Variants in ZSCAN30 observed in about 807,000 individuals in gnomAD.
ZSCAN30 encodes zinc finger and SCAN domain-containing protein 30.
A neutral mutation model predicts 44.3 loss-of-function variants in ZSCAN30; 37 were observed. That is an observed-to-expected ratio of 0.84 (90% CI 0.64 to 1.10). The LOEUF is 1.10. Among genes scored for constraint, ZSCAN30 ranks in the 50% least tolerant of loss-of-function variants. ZSCAN30 has a pLI of 0.00. For missense variants in ZSCAN30, 549 were observed against 582.6 expected (o/e 0.94, Z 0.59); for synonymous variants, 181 against 204.6 (o/e 0.88, Z 0.98).
At chr18:35,270,457 C>A (rs567968443) in intron 1 of ZSCAN30, among the ~76,000 whole-genome samples, 1 of 152,310 alleles carries the variant, frequency 6.6e-6, no homozygotes, top group South Asian at 2.1e-4. Flanking sequence ...ATTTTACCAC[C>A]TATTTTCCAA....
intron 1 of ZSCAN30, among the ~76,000 whole-genome samples, chr18:35,271,809 C>T (rs2044283456): frequency 1.3e-5 from 2 of 152,214 alleles, no homozygotes; most frequent in African/African-American, 2.4e-5. Context: ...CATGGGGAGG[C>T]GGCTAAGGCC....
intron 3 of ZSCAN30, chr18:35,262,506 A>G (rs1441542853): frequency 6.6e-6 from 1 of 152,206 alleles, no homozygotes; most frequent in East Asian, 1.9e-4. Flanking sequence ...AGCTTTATCA[A>G]TAGAGGGGGT....
intron 1 of ZSCAN30, among the ~76,000 whole-genome samples, chr18:35,276,020 G>A (rs750290894): frequency 7.9e-5 from 12 of 152,146 alleles, no homozygotes; most frequent in Non-Finnish European, 1.3e-4. Flanking sequence ...CCACTTGGTC[G>A]TAGTAGAAAA....
rs2043704969 is a variant in ZSCAN30 at position 35,254,181 on chromosome 18, A to G, written c.754T>C (p.Ser252Pro). Residue 252 changes from serine (S) to proline (P), a missense_variant, in exon 4 of 4, where the codon TCC becomes CCC. Physicochemically the swap from Ser to Pro is moderately conservative, Grantham distance 74. Coordinates refer to ENST00000333206, the MANE Select transcript of ZSCAN30 (RefSeq NM_001112734.4). ...AAGNKISQLPSQDRHFSLATF... is the reference protein window; with the variant it reads ...AAGNKISQLPPQDRHFSLATF... ...GCCAGACTGAAATGTCTGTCCTGGG[A>G]AGGAAGCTGACTGATTTTGTTCCCT... 3 of 1,614,030 alleles carry G rather than the reference A, an allele frequency of 1.9e-6. No individual in the cohort carries two copies. The African/African-American group carries it at 4.0e-5, about 22-fold the overall frequency.
At position 35,253,373 on chromosome 18, in the gene ZSCAN30, ACTTTT is replaced by A. The variant is rs1370148723; in HGVS notation, c.*72_*76del. On this transcript the variant is annotated 3_prime_UTR_variant, in exon 4 of 4. Transcript: ENST00000333206. ...AGGACAGAAGTTCTGCTCTCAGGAA[ACTTTT>A]CTTTTCTGTGGAGTCTCACCCCTAC... The A allele has an allele frequency of 1.8e-5, 23 of 1,277,338 alleles. No individual in the cohort carries two copies. The East Asian group carries it at 4.3e-4, about 24-fold the overall frequency. 79.1% of individuals were successfully genotyped at this position (1,277,338 alleles called of 1,614,324 possible).
Position 35,253,541 on chromosome 18 carries a change from C to G in ZSCAN30, c.1394G>C (p.Gly465Ala). Residue 465 changes from glycine to alanine, a missense_variant, in exon 4 of 4, where the codon GGA becomes GCA. Physicochemically the swap from Gly to Ala is moderately conservative, Grantham distance 60 (BLOSUM62 0). Transcript: ENST00000333206. ...ALTQHQRIHTGEKPYECSECR... is the reference protein window; with the variant it reads ...ALTQHQRIHTAEKPYECSECR... ...TTCACTACATTCATAAGGCTTCTCT[C>G]CAGTGTGAATTCTCTGGTGCTGGGT... is the stretch of plus-strand genomic sequence containing the variant. The G allele has an allele frequency of 6.2e-7, 1 of 1,613,946 alleles. No homozygotes were observed. Among genetic ancestry groups the G allele is most frequent in the Non-Finnish European group, 8.5e-7 (1 of 1,179,854 alleles).
intron 1 of ZSCAN30, among the ~76,000 whole-genome samples, chr18:35,280,554 T>C (rs546544824): frequency 2.4e-4 from 37 of 152,330 alleles, no homozygotes; most frequent in African/African-American, 8.2e-4. Context: ...TGGGGAATTA[T>C]AGTATTTCTT....
At chr18:35,255,883 T>C in intron 3 of ZSCAN30, 1 of 154,338 alleles carries the variant, frequency 6.5e-6, no homozygotes, top group Middle Eastern at 5.4e-4. Flanking sequence ...TTGCATACAA[T>C]AGAGGCATAA....
chr18:35,254,380 A>G lies in ZSCAN30; in HGVS notation c.555T>C (p.Asp185=), dbSNP rs1214197722. 2.5e-6 allele frequency: 4 copies of G among 1,613,910 alleles called. No homozygotes were observed. The highest frequency in any genetic ancestry group is 2.2e-5 in the East Asian group (1 of 44,890). The change falls in exon 4 of 4, where the codon GAT becomes GAC. Residue 185 remains aspartate (D), a splice_region_variant and synonymous_variant. Coordinates refer to ENST00000333206, the MANE Select transcript of ZSCAN30 (RefSeq NM_001112734.4). ...ACACTTTGCCAGCCACCATCCTGCCATCTAAAAATGTGAATAGAAAGTGTA... is the reference window on the plus strand; with the variant it reads ...ACACTTTGCCAGCCACCATCCTGCCGTCTAAAAATGTGAATAGAAAGTGTA... ...TQESQAFQER[D]GRMVAGKVLM...
intron 1 of ZSCAN30, among the ~76,000 whole-genome samples, chr18:35,278,062 C>A (rs894732658): frequency 1.3e-5 from 2 of 151,558 alleles, no homozygotes; most frequent in South Asian, 4.2e-4. Flanking sequence ...TTTCTAATTT[C>A]TCTTATGATT....
In ZSCAN30 at chr18:35,251,738, CA is replaced by C. The variant is rs1197341189; in HGVS notation, c.*1711del. The C allele has an allele frequency of 1.3e-5, 2 of 152,130 alleles. No homozygotes were observed. The highest frequency in any genetic ancestry group is 4.8e-5 in the African/African-American group (2 of 41,362). 9.4% of individuals were successfully genotyped at this position (152,130 alleles called of 1,614,324 possible). On this transcript the variant is annotated 3_prime_UTR_variant, in exon 4 of 4. Transcript: ENST00000333206. ...TGCTTGCTTCCCCTTCGCCTTCCAC[CA>C]TGATTTAAGTTTCCTGAGGCCTCCC...
intron 1 of ZSCAN30, among the ~76,000 whole-genome samples, chr18:35,265,618 A>T (rs1229302265): frequency 1.3e-5 from 2 of 152,242 alleles, no homozygotes; most frequent in African/African-American, 4.8e-5. Context: ...GGGCAAGGTG[A>T]ATGTAGAAAC....
intron 3 of ZSCAN30, chr18:35,263,265 A>G (rs1184109705): frequency 2.1e-6 from 1 of 474,554 alleles, no homozygotes; most frequent in South Asian, 3.8e-5. Context: ...AAGAAAAAAG[A>G]AAAAGAAAAA....
chr18:35,259,503 G>A (rs2043962297), intron 3 of ZSCAN30, among the ~76,000 whole-genome samples: 1 of 152,132 alleles, frequency 6.6e-6, no homozygotes, highest in African/African-American at 2.4e-5. Flanking sequence ...TTCTTGCTAG[G>A]TCCTCACAAG....
In ZSCAN30 at chr18:35,253,605, T is replaced by TA. The variant is rs758905631; in HGVS notation, c.1329dup (p.Asn444Ter). Reference sequence around the variant, plus strand: ...TGATTGAAGGATTTTCCACATTCATTACATTCATAAGGTTTCTCTCCAGTG... The same window carrying TA: ...TGATTGAAGGATTTTCCACATTCATTAACATTCATAAGGTTTCTCTCCAGTG... On this transcript the variant is annotated frameshift_variant, in exon 4 of 4. Coordinates refer to ENST00000333206, the MANE Select transcript of ZSCAN30 (RefSeq NM_001112734.4). LOFTEE classifies it high-confidence loss of function. 6.2e-7 allele frequency: 1 copy of TA among 1,613,948 alleles called. No homozygotes were observed. Among genetic ancestry groups the TA allele is most frequent in the Non-Finnish European group, 8.5e-7 (1 of 1,179,966 alleles).
chr18:35,258,257 T>C (rs1569065917), intron 3 of ZSCAN30: 4 of 427,906 alleles, frequency 9.3e-6, no homozygotes, highest in Non-Finnish European at 1.7e-5. Context: ...GGACCACGCA[T>C]AAATGGAGAA....
intron 1 of ZSCAN30, chr18:35,269,820 A>C (rs1056089792): frequency 2.0e-5 from 3 of 151,864 alleles, no homozygotes; most frequent in Admixed American, 2.0e-4. Context: ...TTTCTAATGA[A>C]GCACATAAAA....
At chr18:35,266,452 G>A (rs1378605465) in intron 1 of ZSCAN30, among the ~76,000 whole-genome samples, 2 of 152,082 alleles carry the variant, frequency 1.3e-5, no homozygotes, top group Non-Finnish European at 2.9e-5. Context: ...ACCGTATAAG[G>A]GCTTGGAAGA....
chr18:35,262,878 G>A (rs898276573), intron 3 of ZSCAN30: 3 of 155,534 alleles, frequency 1.9e-5, no homozygotes, highest in African/African-American at 7.2e-5. Context: ...CTCAGCCCTA[G>A]AGACACTCTA....
Sources: gnomAD v4.1 joint callset for allele counts (sites outside exome capture counted in the v4.1 genomes callset) on GRCh38, gnomAD v4.1.1 for gene constraint, MANE v1.5 for transcripts, NCBI Gene and HGNC (gene_info 2026-07-23, HGNC 2026-07-21) for gene names.